The following RBFOX1 variants were observed in gnomAD, a reference collection of about 807,000 sequenced individuals.
The protein encoded by RBFOX1 is RNA binding protein fox-1 homolog 1.
RBFOX1 carries 8 observed loss-of-function variants against 57.7 expected under a neutral mutation model. That is an observed-to-expected ratio of 0.14 (90% CI 0.08 to 0.25). The LOEUF (loss-of-function observed/expected upper bound fraction) is 0.25. Ranked by LOEUF, RBFOX1 falls within the 10% of genes least tolerant of loss-of-function variation. The probability of loss-of-function intolerance (pLI) is 1.00; values close to 1 mark genes in which losing one functional copy is unlikely to be tolerated. For missense variants in RBFOX1, 611 were observed against 548.5 expected, an observed-to-expected ratio of 1.11 and a Z score of -1.14; for synonymous variants, 326 against 222.4, an observed-to-expected ratio of 1.47 and a Z score of -4.15.
Position 6,034,161 on chromosome 16 carries a change from C to G in RBFOX1, c.-127+14169C>G, listed in dbSNP as rs146063307. 6.2e-3 allele frequency among the ~76,000 whole-genome samples: 933 copies of G among 151,516 alleles called. 11 individuals carry two copies. The highest frequency in any genetic ancestry group is 0.022 in the African/African-American group (891 of 41,306). Reference sequence around the variant, plus strand: ...ACCTGCCTGGCCAACTTAGTGAAACCATGTCTCTACTAAAAATACAAAAAT... The same window carrying G: ...ACCTGCCTGGCCAACTTAGTGAAACGATGTCTCTACTAAAAATACAAAAAT... On this transcript the variant is annotated intron_variant, in intron 1 of 15. Coordinates refer to ENST00000550418, the MANE Select transcript of RBFOX1 (RefSeq NM_018723.4).
At chr16:7,599,780 A>G (rs8056603) in intron 9 of RBFOX1, among the ~76,000 whole-genome samples, 137,902 of 150,576 alleles carry the variant, frequency 0.92, 63,438 homozygotes, top group African/African-American at 0.97. Flanking sequence ...CTACAGCCAC[A>G]TGCCACAATG....
chr16:7,165,648 C>G (rs891839926), intron 4 of RBFOX1, among the ~76,000 whole-genome samples: 3 of 151,834 alleles, frequency 2.0e-5, no homozygotes, highest in South Asian at 2.1e-4. Flanking sequence ...AGGCTGGTCT[C>G]AAACTCCCGA....
chr16:5,705,064 T>G (rs982650088), intron 3 of RBFOX1, among the ~76,000 whole-genome samples: 1 of 152,138 alleles, frequency 6.6e-6, no homozygotes, highest in African/African-American at 2.4e-5. Context: ...AAATCAAATA[T>G]GTAACCACAC....
chr16:6,867,812 C>T (rs1020906867), intron 3 of RBFOX1, among the ~76,000 whole-genome samples: 2 of 152,176 alleles, frequency 1.3e-5, no homozygotes, highest in African/African-American at 4.8e-5. Flanking sequence ...CTGTTTATCC[C>T]TTGATCCTGG....
chr16:7,200,000 C>G (rs576394596), intron 4 of RBFOX1, among the ~76,000 whole-genome samples: 2 of 152,182 alleles, frequency 1.3e-5, no homozygotes, highest in South Asian at 4.2e-4. Context: ...TGAATGTGCT[C>G]AGAATGTGGA....
chr16:7,069,226 G>A (rs951722213), intron 4 of RBFOX1, among the ~76,000 whole-genome samples: 8 of 151,956 alleles, frequency 5.3e-5, no homozygotes, highest in African/African-American at 9.7e-5. Context: ...CAGGATACAT[G>A]TGCAGGATGT....
At chr16:6,890,962 T>A (rs1381191950) in intron 3 of RBFOX1, among the ~76,000 whole-genome samples, 1 of 152,186 alleles carries the variant, frequency 6.6e-6, no homozygotes, top group African/African-American at 2.4e-5. Context: ...TTCCCTAGAA[T>A]TCGTGTGGAG....
At chr16:6,351,370 A>ATTTTTT (rs1446484402) in intron 2 of RBFOX1, among the ~76,000 whole-genome samples, 1 of 100,538 alleles carries the variant, frequency 9.9e-6, no homozygotes, top group Non-Finnish European at 1.8e-5. Context: ...ATATATATAT[A>ATTTTTT]TATTTTTTTT....
chr16:5,312,200 G>A (rs778503283), intron 1 of RBFOX1, among the ~76,000 whole-genome samples: 3 of 152,232 alleles, frequency 2.0e-5, no homozygotes, highest in Non-Finnish European at 2.9e-5. Context: ...TGTGAGTGAA[G>A]CTTACTTCGG....
At chr16:5,525,399 G>A (rs2044201028) in intron 2 of RBFOX1, among the ~76,000 whole-genome samples, 1 of 151,764 alleles carries the variant, frequency 6.6e-6, no homozygotes, top group East Asian at 1.9e-4. Flanking sequence ...GGGGGAAACA[G>A]ATGCAGAGAA....
At chr16:7,267,779 C>G (rs188030177) in intron 4 of RBFOX1, among the ~76,000 whole-genome samples, 9 of 152,046 alleles carry the variant, frequency 5.9e-5, no homozygotes, top group African/African-American at 2.2e-4. Context: ...TTTCTGGAAC[C>G]TGGGAGGCGG....
At chr16:5,574,618 A>G (rs1317022493) in intron 2 of RBFOX1, among the ~76,000 whole-genome samples, 1 of 151,838 alleles carries the variant, frequency 6.6e-6, no homozygotes, top group Admixed American at 6.6e-5. Context: ...TTTAGTAGAG[A>G]TGGGGTTTCG....
intron 1 of RBFOX1, among the ~76,000 whole-genome samples, chr16:6,152,953 A>C (rs2096808483): frequency 6.6e-6 from 1 of 152,126 alleles, no homozygotes; most frequent in Admixed American, 6.5e-5. Context: ...CCCATGTTGC[A>C]ATGTAGGTTC....
intron 3 of RBFOX1, among the ~76,000 whole-genome samples, chr16:6,816,439 T>A (rs2090082755): frequency 6.6e-6 from 1 of 151,646 alleles, no homozygotes; most frequent in Admixed American, 6.6e-5. Context: ...TTTTTTTTTT[T>A]TAAAGAAACA....
chr16:6,244,920 A>T (rs148125817), intron 1 of RBFOX1, among the ~76,000 whole-genome samples: 2 of 150,082 alleles, frequency 1.3e-5, no homozygotes, highest in Non-Finnish European at 3.0e-5. Flanking sequence ...CTGAATACCC[A>T]GTTTTGTTTT....
At chr16:7,588,676 A>G (rs1458770678) in intron 7 of RBFOX1, among the ~76,000 whole-genome samples, 1 of 152,196 alleles carries the variant, frequency 6.6e-6, no homozygotes, top group Admixed American at 6.6e-5. Context: ...ACGGAGGGTC[A>G]GTAAGCGGTG....
intron 3 of RBFOX1, among the ~76,000 whole-genome samples, chr16:6,843,239 C>T (rs757861542): frequency 7.2e-5 from 11 of 151,996 alleles, no homozygotes; most frequent in Non-Finnish European, 1.3e-4. Context: ...TTCTGTGAAC[C>T]TTTTGCAAAG....
intron 4 of RBFOX1, among the ~76,000 whole-genome samples, chr16:5,894,098 G>T (rs1490162717): frequency 1.3e-5 from 2 of 152,082 alleles, no homozygotes; most frequent in Admixed American, 6.5e-5. Context: ...GGGAGGAGGG[G>T]AGAGATATGC....
chr16:6,890,644 C>A (rs1160514564), intron 3 of RBFOX1, among the ~76,000 whole-genome samples: 2 of 152,188 alleles, frequency 1.3e-5, no homozygotes, highest in Non-Finnish European at 2.9e-5. Context: ...ACAGTCTTTC[C>A]TTCCTATCTA....
Sources: allele counts gnomAD v4.1 joint callset (sites outside exome capture counted in the v4.1 genomes callset), GRCh38; gene constraint gnomAD v4.1.1; transcripts MANE v1.5; gene names NCBI Gene and HGNC (gene_info 2026-07-23, HGNC 2026-07-21).